The following SEMA6D variants were observed in gnomAD, a reference collection of about 807,000 sequenced individuals.
SEMA6D encodes semaphorin-6D.
In SEMA6D, 35 loss-of-function variants were observed where a neutral mutation model predicts 106.6. The observed-to-expected ratio is 0.33, with a 90% confidence interval of 0.25 to 0.44. The LOEUF (loss-of-function observed/expected upper bound fraction) is 0.44. SEMA6D is among the 20% of genes least tolerant of loss of function. The pLI is 1.00. For missense variants in SEMA6D, 1,185 were observed against 1,345.9 expected (o/e 0.88, Z 1.87); for synonymous variants, 499 against 487.7 (o/e 1.02, Z -0.31).
Position 47,765,993 on chromosome 15 carries a change from T to C in SEMA6D, c.1552T>C (p.Tyr518His), listed in dbSNP as rs2082316810. ...IRIPLSRCER[Y>H]GSCKKSCIAS... is the part of the protein sequence containing the mutation. ...CATCCCCCTCAGTCGCTGTGAGCGT[T>C]ATGGATCATGTAAAAAGTAAGCTCG... The change falls in exon 14 of 19, where the codon TAT becomes CAT. Residue 518 changes from tyrosine to histidine, a missense_variant. Physicochemically the swap from Tyr to His is moderately conservative, Grantham distance 83 (BLOSUM62 2). Coordinates refer to ENST00000536845, the MANE Select transcript of SEMA6D (RefSeq NM_001358351.3). The C allele has an allele frequency of 1.2e-6, 2 of 1,601,654 alleles. No individual in the cohort carries two copies. Among genetic ancestry groups the C allele is most frequent in the South Asian group, 1.1e-5 (1 of 88,842 alleles).
intron 3 of SEMA6D, among the ~76,000 whole-genome samples, chr15:47,523,306 AC>A (rs1186028763): frequency 6.6e-6 from 1 of 152,132 alleles, no homozygotes. Context: ...CAGGTGAGGA[AC>A]CTGCTGAGAA....
intron 1 of SEMA6D, among the ~76,000 whole-genome samples, chr15:47,218,379 A>C (rs1831155021): frequency 6.6e-6 from 1 of 152,130 alleles, no homozygotes; most frequent in African/African-American, 2.4e-5. Context: ...AAAATGCTTC[A>C]GTCAACCCTA....
chr15:47,291,824 A>G (rs967288834), intron 1 of SEMA6D, among the ~76,000 whole-genome samples: 1 of 152,166 alleles, frequency 6.6e-6, no homozygotes, highest in African/African-American at 2.4e-5. Flanking sequence ...GGTTATGTCT[A>G]TCTAATCTAT....
Position 47,763,894 on chromosome 15 carries a change from T to G in SEMA6D, c.792T>G (p.Gly264=). The G allele has an allele frequency of 1.2e-6, 2 of 1,613,778 alleles. No individual in the cohort carries two copies. The highest frequency in any genetic ancestry group is 1.7e-6 in the Non-Finnish European group (2 of 1,179,868). ...CCCGCATATGTAAAAACGACATGGG[T>G]GGTTCCCAGCGGGTCCTGGAGAAAC... ...RVARICKNDM[G]GSQRVLEKHW... is the part of the protein sequence containing the mutation. Residue 264 remains glycine, a synonymous_variant, in exon 10 of 19, where the codon GGT becomes GGG. Transcript: ENST00000536845.
At chr15:47,343,525 C>A (rs967527120) in intron 1 of SEMA6D, among the ~76,000 whole-genome samples, 2 of 151,358 alleles carry the variant, frequency 1.3e-5, no homozygotes, top group Non-Finnish European at 2.9e-5. Flanking sequence ...TTTGTCCTTG[C>A]GATAGTTTGC....
At chr15:47,488,693 T>G (rs1831289457) in intron 3 of SEMA6D, among the ~76,000 whole-genome samples, 1 of 152,010 alleles carries the variant, frequency 6.6e-6, no homozygotes, top group African/African-American at 2.4e-5. Flanking sequence ...AGGAAGAGCA[T>G]CTGTGGCAGA....
chr15:47,570,259 G>A (rs149402001), intron 3 of SEMA6D, among the ~76,000 whole-genome samples: 7 of 152,186 alleles, frequency 4.6e-5, no homozygotes, highest in African/African-American at 1.2e-4. Context: ...GAGGAAATGC[G>A]GAGACCTGTG....
intron 4 of SEMA6D, among the ~76,000 whole-genome samples, chr15:47,655,938 T>G (rs1596545696): frequency 1.3e-5 from 2 of 152,400 alleles, no homozygotes; most frequent in East Asian, 1.9e-4. Flanking sequence ...CCAGGTGAGG[T>G]TGAGCAAGGT....
At chr15:47,263,582 C>T (rs756032766) in intron 1 of SEMA6D, among the ~76,000 whole-genome samples, 6 of 151,946 alleles carry the variant, frequency 3.9e-5, no homozygotes, top group Non-Finnish European at 5.9e-5. Flanking sequence ...AAAAGGAGCA[C>T]GTATACACTG....
At chr15:47,297,234 C>T (rs1396344580) in intron 1 of SEMA6D, among the ~76,000 whole-genome samples, 1 of 152,074 alleles carries the variant, frequency 6.6e-6, no homozygotes. Context: ...GCCCTAAAGG[C>T]ATAAAACATT....
chr15:47,254,290 T>C (rs1477411500), intron 1 of SEMA6D, among the ~76,000 whole-genome samples: 2 of 143,066 alleles, frequency 1.4e-5, no homozygotes, highest in Admixed American at 1.5e-4. Context: ...TGAGTGTGTA[T>C]ATATAGATGT....
intron 1 of SEMA6D, among the ~76,000 whole-genome samples, chr15:47,377,552 A>G (rs2039491262): frequency 6.6e-6 from 1 of 152,182 alleles, no homozygotes; most frequent in Non-Finnish European, 1.5e-5. Context: ...TCCTCATAAA[A>G]TGAAAAACAA....
At chr15:47,720,848 C>T (rs1205526576) in intron 1 of SEMA6D, among the ~76,000 whole-genome samples, 1 of 152,158 alleles carries the variant, frequency 6.6e-6, no homozygotes, top group Non-Finnish European at 1.5e-5. Context: ...GGTCATTTTT[C>T]ACCCTTTTGA....
At chr15:47,479,823 C>A (rs8030508) in intron 3 of SEMA6D, among the ~76,000 whole-genome samples, 19,137 of 151,186 alleles carry the variant, frequency 0.13, 3,659 homozygotes, top group African/African-American at 0.42. Flanking sequence ...TTCATTAATT[C>A]CATACTGCAC....
rs749017508 is a variant in SEMA6D, at chr15:47,760,353, G to A, written c.159G>A (p.Ser53=). ...VFRGRPSGNE[S]QHRLDFQLML... ...GAGGACGCCCTTCAGGCAATGAATC[G>A]CAGCACAGGCTGGACTTTCAGCTGA... The change falls in exon 3 of 19, where the codon TCG becomes TCA. Residue 53 remains serine (S), a synonymous_variant. Transcript: ENST00000536845. 1.9e-5 allele frequency: 30 copies of A among 1,613,542 alleles called. No homozygotes were observed. Among genetic ancestry groups the A allele is most frequent in the South Asian group, 1.8e-4 (16 of 91,072 alleles).
chr15:47,697,789 C>T (rs1196814081), intron 4 of SEMA6D, among the ~76,000 whole-genome samples: 1 of 152,220 alleles, frequency 6.6e-6, no homozygotes, highest in African/African-American at 2.4e-5. Flanking sequence ...CACTTCCCCC[C>T]GCCTTAGGCG....
chr15:47,320,354 G>C (rs2143631762), intron 1 of SEMA6D, among the ~76,000 whole-genome samples: 1 of 152,304 alleles, frequency 6.6e-6, no homozygotes, highest in East Asian at 1.9e-4. Flanking sequence ...CTATTGTAAA[G>C]AGTCTGTCAT....
chr15:47,742,221 ACTT>A (rs1234316682), intron 1 of SEMA6D, among the ~76,000 whole-genome samples: 1 of 152,212 alleles, frequency 6.6e-6, no homozygotes, highest in African/African-American at 2.4e-5. Flanking sequence ...TAATAATACT[ACTT>A]CTTCACACTT....
At chr15:47,639,693 T>C (rs769370588) in intron 4 of SEMA6D, among the ~76,000 whole-genome samples, 2 of 152,232 alleles carry the variant, frequency 1.3e-5, no homozygotes, top group African/African-American at 4.8e-5. Flanking sequence ...TGATATGATG[T>C]GATGAAAATG....
Sources: allele counts gnomAD v4.1 joint callset (sites outside exome capture counted in the v4.1 genomes callset), GRCh38; gene constraint gnomAD v4.1.1; transcripts MANE v1.5; gene names NCBI Gene and HGNC (gene_info 2026-07-23, HGNC 2026-07-21).